IFT140: variants seen among roughly 807,000 people sequenced by gnomAD.
IFT140 encodes intraflagellar transport 140, also known as intraflagellar transport protein 140 homolog.
A neutral mutation model predicts 164.6 loss-of-function variants in IFT140; 133 were observed. That is an observed-to-expected ratio of 0.81 (90% CI 0.70 to 0.93). The LOEUF is 0.93. Among genes scored for constraint, IFT140 ranks in the 40% least tolerant of loss-of-function variants. The pLI is 0.00. For missense variants in IFT140, 2,045 were observed against 1,972.3 expected (o/e 1.04, Z -0.70); for synonymous variants, 860 against 817.3 (o/e 1.05, Z -0.89).
Position 1,553,235 on chromosome 16 carries a change from T to C in IFT140, c.2399+4700A>G. On this transcript the variant is annotated intron_variant, in intron 19 of 30. Coordinates refer to ENST00000426508, the MANE Select transcript of IFT140 (RefSeq NM_014714.4). This position sits in a 1 kb window ranked among gnomAD's most constrained non-coding sequence, Gnocchi z 4.4. Reference sequence around the variant, plus strand: ...GTCTCTCTCTGTCTCCATCTGTCTCTGTGTCTGTCTCTGTCTCTCTGTATC... The same window carrying C: ...GTCTCTCTCTGTCTCCATCTGTCTCCGTGTCTGTCTCTGTCTCTCTGTATC... 1 of 978,462 alleles carries C rather than the reference T, an allele frequency of 1.0e-6. No homozygotes were observed. The highest frequency in any genetic ancestry group is 1.2e-6 in the Non-Finnish European group (1 of 824,198). 60.6% of individuals were successfully genotyped at this position (978,462 alleles called of 1,614,324 possible). A position where few individuals can be genotyped will look rare whatever the true frequency, so the allele number is the denominator to read the frequency against.
intron 30 of IFT140, among the ~76,000 whole-genome samples, chr16:1,513,961 C>G (rs1015075824): frequency 1.3e-5 from 2 of 151,540 alleles, no homozygotes; most frequent in East Asian, 2.0e-4. Context: ...GCGTGAGCCA[C>G]TGCACCCGGC....
In IFT140 at chr16:1,555,917, C is replaced by T. The variant is rs535008892; in HGVS notation, c.2399+2018G>A. Reference sequence around the variant, plus strand: ...AGGAGTTCGAGAGCAGCCTGGCCAACATAGTGAAACCCTGTCTCTACTAAA... The same window carrying T: ...AGGAGTTCGAGAGCAGCCTGGCCAATATAGTGAAACCCTGTCTCTACTAAA... On this transcript the variant is annotated intron_variant, in intron 19 of 30. Coordinates refer to ENST00000426508, the MANE Select transcript of IFT140 (RefSeq NM_014714.4). Among the ~76,000 whole-genome samples, 126 of 152,226 alleles carry T rather than the reference C, an allele frequency of 8.3e-4. 1 individual carries two copies. Among genetic ancestry groups the T allele is most frequent in the Non-Finnish European group, 1.5e-3 (102 of 68,028 alleles).
Position 1,564,214 on chromosome 16 carries a change from C to G in IFT140, c.1902-52G>C, listed in dbSNP as rs767929811. On this transcript the variant is annotated intron_variant, in intron 16 of 30. Coordinates refer to ENST00000426508, the MANE Select transcript of IFT140 (RefSeq NM_014714.4). The surrounding 1 kb of genome is among the most constrained non-coding windows in gnomAD (Gnocchi z 5.5). ...AACCCCAGGGCGGGCACTCCTGCTA[C>G]CAGTCTCCCTCCCACACACATTCCC... The G allele has an allele frequency of 2.0e-6, 3 of 1,470,088 alleles. No individual in the cohort carries two copies. The highest frequency in any genetic ancestry group is 2.8e-6 in the Non-Finnish European group (3 of 1,086,232). The allele number at this position is 1,470,088 out of a possible 1,614,324, so 91.1% of individuals were successfully genotyped here.
At chr16:1,529,046 T>A (rs1012947949) in intron 19 of IFT140, among the ~76,000 whole-genome samples, 1 of 152,132 alleles carries the variant, frequency 6.6e-6, no homozygotes, top group Non-Finnish European at 1.5e-5. Flanking sequence ...GGACGCAGGT[T>A]CCTGGGATGG....
chr16:1,555,593 C>G (rs2033026520), intron 19 of IFT140: 1 of 153,508 alleles, frequency 6.5e-6, no homozygotes, highest in Admixed American at 6.5e-5. Context: ...TGTGTTCTAT[C>G]CATCTATACT....
At chr16:1,565,718 T>C (rs1228513789) in intron 16 of IFT140, among the ~76,000 whole-genome samples, 1 of 152,232 alleles carries the variant, frequency 6.6e-6, no homozygotes, top group Non-Finnish European at 1.5e-5. Context: ...TGAACTATCA[T>C]CAGCACTCAA....
chr16:1,515,922 C>T (rs1417952935), intron 30 of IFT140, among the ~76,000 whole-genome samples: 1 of 151,696 alleles, frequency 6.6e-6, no homozygotes, highest in Non-Finnish European at 1.5e-5. Flanking sequence ...AGGCAGATCA[C>T]CTGAGGTTGG....
At chr16:1,600,655 T>C (rs1233387926) in intron 4 of IFT140, among the ~76,000 whole-genome samples, 1 of 152,134 alleles carries the variant, frequency 6.6e-6, no homozygotes, top group African/African-American at 2.4e-5. Context: ...TTTACCCATA[T>C]GGAAGAATCA....
intron 3 of IFT140, among the ~76,000 whole-genome samples, chr16:1,603,158 T>C (rs2035880265): frequency 1.3e-5 from 2 of 152,140 alleles, no homozygotes; most frequent in Admixed American, 6.6e-5. Flanking sequence ...GAGTGCCACC[T>C]TGTCATGATG....
rs571325007 is a variant in IFT140 at position 1,538,751 on chromosome 16, C to T, written c.2400-11955G>A. On this transcript the variant is annotated intron_variant, in intron 19 of 30. Transcript: ENST00000426508. ...GGAAGGGGCCTCCAGAGCTCACACA[C>T]GTCCCTAATGTGTGGACAGGACGCC... Among the ~76,000 whole-genome samples the T allele has an allele frequency of 2.5e-4, 38 of 152,332 alleles. 1 individual carries two copies. Among genetic ancestry groups the T allele is most frequent in the Admixed American group, 1.2e-3 (18 of 15,308 alleles).
At chr16:1,598,640 A>C (rs1356884247) in intron 4 of IFT140, among the ~76,000 whole-genome samples, 1 of 152,250 alleles carries the variant, frequency 6.6e-6, no homozygotes, top group African/African-American at 2.4e-5. Context: ...CTAGGGAGAG[A>C]GGCTGGTGTG....
chr16:1,518,382 G>C, intron 29 of IFT140, 25 bp from the exon 30 acceptor site: 1 of 1,603,458 alleles, frequency 6.2e-7, no homozygotes, highest in South Asian at 1.1e-5. Flanking sequence ...GATGAGGCCT[G>C]GGCCCCGAAG....
intron 19 of IFT140, among the ~76,000 whole-genome samples, chr16:1,544,660 T>G (rs1285853330): frequency 6.6e-6 from 1 of 151,918 alleles, no homozygotes; most frequent in Non-Finnish European, 1.5e-5. Flanking sequence ...CTTTTTTTTC[T>G]TTTTTTGAGA....
At chr16:1,586,310 T>A in intron 9 of IFT140, 35 bp from the exon 10 acceptor site, 4 of 1,581,976 alleles carry the variant, frequency 2.5e-6, no homozygotes, top group Admixed American at 1.8e-5. Flanking sequence ...TGAACAGAGT[T>A]AAAAAAAGGG....
At position 1,523,908 on chromosome 16, in the gene IFT140, G is replaced by T. The variant is rs1046589259; in HGVS notation, c.3190C>A (p.Pro1064Thr). Residue 1064 changes from proline (P) to threonine (T), a missense_variant, in exon 25 of 31, where the codon CCC becomes ACC. Transcript: ENST00000426508. ...CGGGCCGCCTCGATCATGTCCTCGGGGGAGCTCAGCAGGGCCAAGTTCATG... is the reference window on the plus strand; with the variant it reads ...CGGGCCGCCTCGATCATGTCCTCGGTGGAGCTCAGCAGGGCCAAGTTCATG... ...QLMNLALLSS[P>T]EDMIEAARYY... 2 of 1,613,486 alleles carry T rather than the reference G, an allele frequency of 1.2e-6. No homozygotes were observed. Among genetic ancestry groups the T allele is most frequent in the Admixed American group, 3.3e-5 (2 of 60,026 alleles).
chr16:1,523,278 C>CA (rs2040576262), intron 26 of IFT140, among the ~76,000 whole-genome samples: 1 of 152,072 alleles, frequency 6.6e-6, no homozygotes, highest in Non-Finnish European at 1.5e-5. Flanking sequence ...TTTTACCCCC[C>CA]ACCATAGGTG....
intron 7 of IFT140, among the ~76,000 whole-genome samples, chr16:1,588,501 G>A (rs1432799120): frequency 1.6e-5 from 2 of 122,776 alleles, no homozygotes; most frequent in African/African-American, 7.3e-5. Context: ...CTCCAGCCTG[G>A]GTGACAGAGC....
chr16:1,583,504 T>C (rs2034691962), intron 11 of IFT140, 118 bp from the exon 12 acceptor site: 1 of 739,556 alleles, frequency 1.4e-6, no homozygotes, highest in Non-Finnish European at 2.3e-6. Flanking sequence ...TGCTCCATCA[T>C]CCTACGACTA....
rs142088238 is a variant in IFT140, at chr16:1,526,981, G to A, written c.2400-185C>T. ...GGCCATGCAGAGAGGTGCCCGTCAC[G>A]AGTCCCACGGCCTTCCTAACCCCAA... is the stretch of plus-strand genomic sequence containing the variant. On this transcript the variant is annotated intron_variant, in intron 19 of 30. Transcript: ENST00000426508. 3.8e-3 allele frequency: 2,308 copies of A among 600,306 alleles called. 6 individuals are homozygous for A. The highest frequency in any genetic ancestry group is 5.3e-3 in the Non-Finnish European group (1,883 of 356,306). 37.2% of individuals were successfully genotyped at this position (600,306 alleles called of 1,614,324 possible). A position where few individuals can be genotyped will look rare whatever the true frequency, so the allele number is the denominator to read the frequency against.
Sources: gnomAD v4.1 joint callset for allele counts (sites outside exome capture counted in the v4.1 genomes callset) on GRCh38, gnomAD v4.1.1 for gene constraint, Gnocchi (gnomAD v3.1) non-coding constraint, MANE v1.5 for transcripts, NCBI Gene and HGNC (gene_info 2026-07-23, HGNC 2026-07-21) for gene names.